Variants in AKT3 observed in about 807,000 individuals in gnomAD.
The protein encoded by AKT3 is AKT serine/threonine kinase 3.
A neutral mutation model predicts 65.3 loss-of-function variants in AKT3; 15 were observed. The observed-to-expected ratio is 0.23, with a 90% confidence interval of 0.15 to 0.35. The LOEUF (loss-of-function observed/expected upper bound fraction) is 0.35, where lower values mean the gene tolerates loss of function less well. AKT3 is among the 10% of genes least tolerant of loss of function. The pLI is 1.00. For synonymous variants in AKT3, 206 were observed against 183.8 expected, an observed-to-expected ratio of 1.12 and a Z score of -0.98; for missense variants, 243 against 576.5, an observed-to-expected ratio of 0.42 and a Z score of 5.92.
downstream of AKT3, among the ~76,000 whole-genome samples, chr1:243,497,287 C>T (rs536643602): frequency 5.4e-4 from 72 of 132,448 alleles, 1 homozygote; most frequent in Non-Finnish European, 8.4e-4. Flanking sequence ...TCCAGCCCTC[C>T]AGTGCTGACT....
At chr1:243,609,307 T>G (rs1677684598) in intron 8 of AKT3, among the ~76,000 whole-genome samples, 1 of 150,196 alleles carries the variant, frequency 6.7e-6, no homozygotes, top group South Asian at 2.1e-4. Flanking sequence ...CTACTAAAGT[T>G]ATTAAATATA....
chr1:243,774,517 T>G (rs1690423828), intron 2 of AKT3, among the ~76,000 whole-genome samples: 2 of 152,226 alleles, frequency 1.3e-5, no homozygotes, highest in Admixed American at 1.3e-4. Flanking sequence ...TTGATTTCTG[T>G]GGTTCCAGAA....
At position 243,504,606 on chromosome 1, in the gene AKT3, A is replaced by G; in HGVS notation, c.*643T>C. 5.5e-6 allele frequency: 1 copy of G among 180,940 alleles called. No individual in the cohort carries two copies. 11.2% of individuals were successfully genotyped at this position (180,940 alleles called of 1,614,324 possible). On this transcript the variant is annotated 3_prime_UTR_variant, in exon 14 of 14. Transcript: ENST00000673466. ...CACATGTGATATGGGCTTCTTCTAC[A>G]GTATCCACCAGGAATTTAAAAAAAA... is the stretch of plus-strand genomic sequence containing the variant.
intron 12 of AKT3, among the ~76,000 whole-genome samples, chr1:243,522,475 T>C (rs183411269): frequency 1.1e-3 from 162 of 152,168 alleles, no homozygotes; most frequent in East Asian, 1.5e-3. Flanking sequence ...CTGAGTAACA[T>C]AGAGAGACTC....
intron 8 of AKT3, among the ~76,000 whole-genome samples, chr1:243,578,852 A>C (rs1675131260): frequency 1.3e-5 from 2 of 152,194 alleles, no homozygotes; most frequent in South Asian, 4.1e-4. Flanking sequence ...CAATGAGAGA[A>C]AACCGTACCA....
intron 12 of AKT3, among the ~76,000 whole-genome samples, chr1:243,515,835 C>G (rs970536467): frequency 6.6e-6 from 1 of 151,840 alleles, no homozygotes; most frequent in African/African-American, 2.4e-5. Flanking sequence ...CTAAAAATAC[C>G]AAAAATTAGC....
chr1:243,665,003 G>C (rs1682667866), intron 3 of AKT3, 120 bp from the exon 4 acceptor site: 1 of 434,428 alleles, frequency 2.3e-6, no homozygotes, highest in Non-Finnish European at 3.9e-6. Flanking sequence ...GCTTTCTATG[G>C]TTCTCCACTC....
chr1:243,721,528 C>T (rs761090015), intron 2 of AKT3, among the ~76,000 whole-genome samples: 12 of 152,114 alleles, frequency 7.9e-5, no homozygotes, highest in African/African-American at 1.9e-4. Flanking sequence ...ATTTGTTATG[C>T]TTTTCTCTTA....
chr1:243,625,670 G>A (rs750985542), intron 6 of AKT3, among the ~76,000 whole-genome samples: 2 of 152,188 alleles, frequency 1.3e-5, no homozygotes, highest in Non-Finnish European at 2.9e-5. Flanking sequence ...CAGGGGTTAT[G>A]TGTGAAGGAG....
intron 2 of AKT3, among the ~76,000 whole-genome samples, chr1:243,798,482 T>C (rs184104708): frequency 8.5e-4 from 122 of 144,112 alleles, no homozygotes; most frequent in Admixed American, 7.7e-3. Flanking sequence ...TCAAGCAATC[T>C]GCCTGCCTCA....
intron 2 of AKT3, among the ~76,000 whole-genome samples, chr1:243,701,174 A>G (rs1373542055): frequency 6.6e-6 from 1 of 152,246 alleles, no homozygotes; most frequent in Non-Finnish European, 1.5e-5. Flanking sequence ...TGGACTAAAC[A>G]GTGATTGATT....
intron 7 of AKT3, among the ~76,000 whole-genome samples, chr1:243,614,828 G>C (rs554105027): frequency 2.0e-5 from 3 of 151,992 alleles, no homozygotes; most frequent in Admixed American, 6.5e-5. Context: ...TTAACTCTAT[G>C]GTTTGTTTTT....
chr1:243,742,461 C>T (rs1443939296), intron 2 of AKT3, among the ~76,000 whole-genome samples: 1 of 152,080 alleles, frequency 6.6e-6, no homozygotes, highest in African/African-American at 2.4e-5. Context: ...CCCGTCGCTA[C>T]TAAAAATACA....
chr1:243,489,551 A>G (rs1665870129), intron 13 of AKT3, among the ~76,000 whole-genome samples: 1 of 152,220 alleles, frequency 6.6e-6, no homozygotes, highest in East Asian at 1.9e-4. Context: ...GGTGTTCCCA[A>G]TTAGCAAAGT....
intron 1 of AKT3, among the ~76,000 whole-genome samples, chr1:243,848,892 G>C (rs1187903715): frequency 3.3e-5 from 5 of 152,196 alleles, no homozygotes; most frequent in African/African-American, 1.2e-4. Flanking sequence ...AAATGAGTTG[G>C]TTTTATTTTC....
At chr1:243,662,610 G>T (rs1226648826) in intron 4 of AKT3, among the ~76,000 whole-genome samples, 1 of 151,220 alleles carries the variant, frequency 6.6e-6, no homozygotes, top group Non-Finnish European at 1.5e-5. Context: ...AATGCTAGAT[G>T]ACGAGTTAGT....
chr1:243,558,849 C>T (rs1440501220), intron 10 of AKT3, among the ~76,000 whole-genome samples: 1 of 151,998 alleles, frequency 6.6e-6, no homozygotes, highest in African/African-American at 2.4e-5. Context: ...CATTTGAGGA[C>T]TGGGCATAAT....
At chr1:243,705,782 G>A (rs1685762024) in intron 2 of AKT3, among the ~76,000 whole-genome samples, 1 of 152,034 alleles carries the variant, frequency 6.6e-6, no homozygotes, top group Admixed American at 6.6e-5. Flanking sequence ...GCCTCCTGCT[G>A]GGTTAAGTGT....
chr1:243,765,522 T>C (rs983629760), intron 2 of AKT3, among the ~76,000 whole-genome samples: 8 of 152,132 alleles, frequency 5.3e-5, no homozygotes, highest in Non-Finnish European at 1.0e-4. Flanking sequence ...TCCCTTCTTA[T>C]AGAGTTTACA....
Sources: gnomAD v4.1 joint callset for allele counts (sites outside exome capture counted in the v4.1 genomes callset) on GRCh38, gnomAD v4.1.1 for gene constraint, MANE v1.5 for transcripts, NCBI Gene and HGNC (gene_info 2026-07-23, HGNC 2026-07-21) for gene names.